Variants in NMI observed in about 807,000 individuals in gnomAD.
NMI encodes the protein N-myc-interactor.
In NMI, 39 loss-of-function variants were observed where a neutral mutation model predicts 34.3. That is an observed-to-expected ratio of 1.14 (90% CI 0.88 to 1.49). The LOEUF is 1.49. Ranked by LOEUF, NMI falls within the 40% of genes most tolerant of loss-of-function variation. The pLI is 0.00. For synonymous variants in NMI, 113 were observed against 120.3 expected (o/e 0.94, Z 0.40); for missense variants, 339 against 358.1 (o/e 0.95, Z 0.43).
At chr2:151,273,733 G>T (rs983127874) in intron 6 of NMI, among the ~76,000 whole-genome samples, 3 of 152,054 alleles carry the variant, frequency 2.0e-5, no homozygotes, top group African/African-American at 7.2e-5. Context: ...TGTTGGCCAG[G>T]CTGGTCTTGA....
chr2:151,278,978 T>C lies in NMI; in HGVS notation c.190A>G (p.Ile64Val). 5.0e-6 allele frequency: 8 copies of C among 1,601,056 alleles called. No individual in the cohort carries two copies. The highest frequency in any genetic ancestry group is 6.8e-6 in the Non-Finnish European group (8 of 1,169,458). The change falls in exon 4 of 8, where the codon ATT becomes GTT. Residue 64 changes from isoleucine to valine, a missense_variant. Ile to Val is a conservative substitution (Grantham distance 29, BLOSUM62 3). Coordinates refer to ENST00000243346, the MANE Select transcript of NMI (RefSeq NM_004688.3). ...AAGAATTTCATCTTTGTTTCAGGAA[T>C]ATCCTCTTTAATCTAATCCAAATGA... ...ATKEFQIKEDIPETKMKFLSV... is the reference protein window; with the variant it reads ...ATKEFQIKEDVPETKMKFLSV...
At chr2:151,282,838 T>A (rs759483762) in intron 2 of NMI, 30 bp downstream of exon 2, 9 of 1,137,964 alleles carry the variant, frequency 7.9e-6, no homozygotes, top group Middle Eastern at 2.5e-4. Flanking sequence ...TAAAATAATT[T>A]TTAATAATAC....
chr2:151,284,437 TA>T (rs1683460100), intron 1 of NMI, among the ~76,000 whole-genome samples: 1 of 152,234 alleles, frequency 6.6e-6, no homozygotes, highest in Non-Finnish European at 1.5e-5. Flanking sequence ...TAGTTGGGAC[TA>T]CAGGTATGTG....
chr2:151,282,941 G>C lies in NMI; in HGVS notation c.8C>G (p.Ala3Gly), dbSNP rs1241507097. 1 of 1,498,150 alleles carries C rather than the reference G, an allele frequency of 6.7e-7. No homozygotes were observed. Among genetic ancestry groups the C allele is most frequent in the Non-Finnish European group, 9.0e-7 (1 of 1,108,756 alleles). 92.8% of individuals were successfully genotyped at this position (1,498,150 alleles called of 1,614,324 possible). A position where few individuals can be genotyped will look rare whatever the true frequency, so the allele number is the denominator to read the frequency against. Residue 3 changes from alanine (A) to glycine (G), a missense_variant, in exon 2 of 8, where the codon GCT (alanine) becomes GGT (glycine). By Grantham distance (60) the Ala-to-Gly change is moderately conservative. Transcript: ENST00000243346. MEADKDDTQQILK... is the reference protein window; with the variant it reads MEGDKDDTQQILK... ...AATTTGTTGTGTGTCATCTTTATCAGCTTCCATGATCCCCTAATATTATAA... is the reference window on the plus strand; with the variant it reads ...AATTTGTTGTGTGTCATCTTTATCACCTTCCATGATCCCCTAATATTATAA...
intron 1 of NMI, among the ~76,000 whole-genome samples, chr2:151,284,341 G>C (rs1197116625): frequency 1.3e-5 from 2 of 151,954 alleles, no homozygotes; most frequent in African/African-American, 4.8e-5. Flanking sequence ...TTGTTGCCCA[G>C]GCTGGAGTGC....
At chr2:151,278,198 A>G (rs1000565159) in intron 4 of NMI, 2 of 152,294 alleles carry the variant, frequency 1.3e-5, no homozygotes, top group African/African-American at 4.8e-5. Flanking sequence ...ACCTATCCCA[A>G]ATCATGCTTC....
chr2:151,283,726 C>T (rs1683447975), intron 1 of NMI, among the ~76,000 whole-genome samples: 1 of 152,190 alleles, frequency 6.6e-6, no homozygotes, highest in African/African-American at 2.4e-5. Context: ...TTACCTGAAG[C>T]TTTCACTAAC....
At chr2:151,276,321 G>A (rs1407001416) in intron 4 of NMI, among the ~76,000 whole-genome samples, 2 of 152,164 alleles carry the variant, frequency 1.3e-5, no homozygotes, top group Non-Finnish European at 2.9e-5. Flanking sequence ...CCCAGACAAA[G>A]TTCTGGTATT....
chr2:151,281,523 G>A (rs6757821), intron 3 of NMI, among the ~76,000 whole-genome samples: 91,208 of 152,042 alleles, frequency 0.6, 27,641 homozygotes, highest in Admixed American at 0.67. Flanking sequence ...TGATAGGCAG[G>A]ACATGACAAC....
chr2:151,284,425 A>G (rs556780531), intron 1 of NMI, among the ~76,000 whole-genome samples: 2 of 152,140 alleles, frequency 1.3e-5, no homozygotes, highest in Non-Finnish European at 2.9e-5. Flanking sequence ...CAGCCCCCCA[A>G]GTAGTTGGGA....
chr2:151,274,625 G>A (rs1442343430), intron 6 of NMI, among the ~76,000 whole-genome samples: 7 of 150,674 alleles, frequency 4.6e-5, no homozygotes, highest in Admixed American at 6.6e-5. Context: ...ACAGGCATGC[G>A]CCACCACACC....
intron 1 of NMI, among the ~76,000 whole-genome samples, chr2:151,286,111 C>A (rs1242081972): frequency 6.6e-6 from 1 of 152,180 alleles, no homozygotes; most frequent in Non-Finnish European, 1.5e-5. Context: ...TAACTTTATA[C>A]TGGAGAAGTC....
intron 1 of NMI, among the ~76,000 whole-genome samples, chr2:151,284,938 G>C (rs1683468737): frequency 1.3e-5 from 2 of 152,170 alleles, no homozygotes; most frequent in Admixed American, 1.3e-4. Flanking sequence ...GTCAAAAAAA[G>C]AGGAGAGTCG....
At chr2:151,284,607 T>C (rs1683462994) in intron 1 of NMI, among the ~76,000 whole-genome samples, 1 of 151,850 alleles carries the variant, frequency 6.6e-6, no homozygotes, top group Non-Finnish European at 1.5e-5. Flanking sequence ...ATTGACTAAA[T>C]GTTTTTTTTT....
chr2:151,288,315 G>A (rs1216474929), intron 1 of NMI, among the ~76,000 whole-genome samples: 2 of 152,172 alleles, frequency 1.3e-5, no homozygotes, highest in Admixed American at 6.5e-5. Context: ...AAGTGAAAGC[G>A]GAAGACAGAA....
intron 6 of NMI, among the ~76,000 whole-genome samples, chr2:151,274,926 G>C (rs1423121069): frequency 6.6e-6 from 1 of 151,482 alleles, no homozygotes; most frequent in Non-Finnish European, 1.5e-5. Flanking sequence ...TGTCTCCCAG[G>C]CTGTAGTGCA....
rs1009293997 is a variant in NMI at position 151,270,606 on chromosome 2, A to AT, written c.*86dup. On this transcript the variant is annotated 3_prime_UTR_variant, in exon 8 of 8. Coordinates refer to ENST00000243346, the MANE Select transcript of NMI (RefSeq NM_004688.3). ...ATGGATGGTAAAAATTAAAGTTTTCATTTTTTAAGGAAAAGCATATTCATT... is the reference window on the plus strand; with the variant it reads ...ATGGATGGTAAAAATTAAAGTTTTCATTTTTTTAAGGAAAAGCATATTCATT... The AT allele has an allele frequency of 1.5e-5, 17 of 1,133,402 alleles. No individual in the cohort carries two copies. The highest frequency in any genetic ancestry group is 2.1e-5 in the Non-Finnish European group (17 of 798,678). 70.2% of individuals were successfully genotyped at this position (1,133,402 alleles called of 1,614,324 possible). A position where few individuals can be genotyped will look rare whatever the true frequency, so the allele number is the denominator to read the frequency against.
chr2:151,286,039 T>A (rs1683489938), intron 1 of NMI, among the ~76,000 whole-genome samples: 1 of 152,186 alleles, frequency 6.6e-6, no homozygotes, highest in Non-Finnish European at 1.5e-5. Context: ...AAGAAAGGAA[T>A]TTTTAGTTAG....
At position 151,283,705 on chromosome 2, in the gene NMI, C is replaced by T. The variant is rs144236302; in HGVS notation, c.-6-751G>A. Among the ~76,000 whole-genome samples, 37 of 152,292 alleles carry T rather than the reference C, an allele frequency of 2.4e-4. No individual in the cohort carries two copies. The East Asian group carries it at 4.0e-3, about 17-fold the overall frequency. On this transcript the variant is annotated intron_variant, in intron 1 of 7. Transcript: ENST00000243346. ...AGGCCTCCAACATATGCTTTCTCTA[C>T]GCAGGTGTTCTTACCTGAAGCTTTC...
Sources: gnomAD v4.1 joint callset for allele counts (sites outside exome capture counted in the v4.1 genomes callset) on GRCh38, gnomAD v4.1.1 for gene constraint, MANE v1.5 for transcripts, NCBI Gene and HGNC (gene_info 2026-07-23, HGNC 2026-07-21) for gene names.